FBRSL1: variants seen among roughly 807,000 people sequenced by gnomAD.
The protein encoded by FBRSL1 is fibrosin-1-like protein.
FBRSL1 carries 51 observed loss-of-function variants against 89.6 expected under a neutral mutation model. The ratio of observed to expected loss-of-function variants is 0.57; its 90% CI spans 0.45 to 0.72. The LOEUF (loss-of-function observed/expected upper bound fraction) is 0.72, where lower values mean the gene tolerates loss of function less well. Among genes scored for constraint, FBRSL1 ranks in the 30% least tolerant of loss-of-function variants. The pLI, the probability that FBRSL1 is intolerant of heterozygous loss-of-function variation, is 0.00. For missense variants in FBRSL1, 1,618 were observed against 1,451.8 expected (o/e 1.11, Z -1.86); for synonymous variants, 779 against 681.1 (o/e 1.14, Z -2.24).
At chr12:132,517,561 G>A (rs1351063289) in intron 2 of FBRSL1, among the ~76,000 whole-genome samples, 3 of 152,258 alleles carry the variant, frequency 2.0e-5, no homozygotes, top group African/African-American at 2.4e-5. Flanking sequence ...ACAGCAGAGC[G>A]GGTGGAGACT....
At chr12:132,564,556 T>G (rs556777845) in intron 5 of FBRSL1, among the ~76,000 whole-genome samples, 6 of 119,208 alleles carry the variant, frequency 5.0e-5, no homozygotes, top group Admixed American at 4.8e-4. Context: ...AGTCCAGTGG[T>G]ACGATCTCAG....
intron 2 of FBRSL1, chr12:132,510,609 G>A (rs1216675812): frequency 1.6e-6 from 2 of 1,230,642 alleles, no homozygotes; most frequent in African/African-American, 3.1e-5. Context: ...TTTGTCGTTG[G>A]AAATTGAGGC....
chr12:132,551,899 C>T (rs1044064363), intron 5 of FBRSL1: 1 of 290,350 alleles, frequency 3.4e-6, no homozygotes, highest in Middle Eastern at 1.3e-3. Flanking sequence ...GGTGGCCTCG[C>T]TCCTCCTGCT....
chr12:132,573,008 C>A (rs933467714), intron 11 of FBRSL1, among the ~76,000 whole-genome samples: 3 of 152,168 alleles, frequency 2.0e-5, no homozygotes, highest in Admixed American at 6.5e-5. Context: ...GAGGTTCTTA[C>A]GGGGCCGTCC....
chr12:132,566,882 A>G (rs1340085332), intron 5 of FBRSL1, among the ~76,000 whole-genome samples: 3 of 152,290 alleles, frequency 2.0e-5, no homozygotes, highest in Admixed American at 1.3e-4. Flanking sequence ...CCCCAGGCAC[A>G]TAGCGCGGTG....
chr12:132,514,630 C>T (rs921435361), intron 2 of FBRSL1, among the ~76,000 whole-genome samples: 2 of 152,180 alleles, frequency 1.3e-5, no homozygotes, highest in South Asian at 2.1e-4. Flanking sequence ...GCCACAGTCC[C>T]GGCCATGGTG....
In FBRSL1 at chr12:132,510,871, T is replaced by C. The variant is rs904498613; in HGVS notation, c.489+2521T>C. On this transcript the variant is annotated intron_variant, in intron 2 of 18. Transcript: ENST00000680143. ...GCCTCTGAATTGCCAATACTGTCCT[T>C]GCATCTCTGAGTCTACGTGCACGCT... The C allele has an allele frequency of 4.9e-6, 5 of 1,026,858 alleles. No homozygotes were observed. The African/African-American group carries it at 8.5e-5, about 17-fold the overall frequency. The allele number at this position is 1,026,858 out of a possible 1,614,324, so 63.6% of individuals were successfully genotyped here. A position where few individuals can be genotyped will look rare whatever the true frequency, so the allele number is the denominator to read the frequency against.
chr12:132,509,859 C>G, intron 2 of FBRSL1: 1 of 1,231,940 alleles, frequency 8.1e-7, no homozygotes, highest in Non-Finnish European at 1.0e-6. Flanking sequence ...CACCCTCCGA[C>G]CACGCCGACG....
rs1351563486 is a variant in FBRSL1, at chr12:132,570,984, C to T, written c.1214-84C>T. 17 of 912,770 alleles carry T rather than the reference C, an allele frequency of 1.9e-5. 1 individual carries two copies. The South Asian group carries it at 2.0e-4, about 11-fold the overall frequency. 56.5% of individuals were successfully genotyped at this position (912,770 alleles called of 1,614,324 possible). On this transcript the variant is annotated intron_variant, in intron 8 of 18. Coordinates refer to ENST00000680143, the MANE Select transcript of FBRSL1 (RefSeq NM_001367871.1). ...CCAGGCTGGGGACGGCCCCGTGTCCCGGGATGGGACCAGGATGCTGGCCTG... is the reference window on the plus strand; with the variant it reads ...CCAGGCTGGGGACGGCCCCGTGTCCTGGGATGGGACCAGGATGCTGGCCTG...
chr12:132,519,202 G>A (rs904204098), intron 2 of FBRSL1, among the ~76,000 whole-genome samples: 6 of 152,264 alleles, frequency 3.9e-5, no homozygotes, highest in Non-Finnish European at 8.8e-5. Context: ...CCCACTGGAT[G>A]CTTACAGTCT....
intron 1 of FBRSL1, among the ~76,000 whole-genome samples, chr12:132,504,206 C>T (rs546835037): frequency 6.8e-6 from 1 of 146,594 alleles, no homozygotes; most frequent in African/African-American, 2.5e-5. Flanking sequence ...GGGGGTGGGC[C>T]AGGCCTTGGT....
chr12:132,516,244 G>A (rs1361531338), intron 2 of FBRSL1, among the ~76,000 whole-genome samples: 1 of 150,078 alleles, frequency 6.7e-6, no homozygotes, highest in Non-Finnish European at 1.5e-5. Context: ...AGGCTGGAGT[G>A]CAGTGGCACA....
chr12:132,536,988 G>T (rs2036817441), intron 4 of FBRSL1, among the ~76,000 whole-genome samples: 1 of 152,324 alleles, frequency 6.6e-6, no homozygotes, highest in African/African-American at 2.4e-5. Context: ...GGGCTCTGCA[G>T]GCACTCGGGG....
At position 132,582,231 on chromosome 12, in the gene FBRSL1, C is replaced by T. The variant is rs2040809231; in HGVS notation, c.2166C>T (p.Asp722=). ...GGGTGTCAGCCCTGACCAACCATGA[C>T]CGAGAGCCGGACAATGGCAAGGAGG... ...AERVSALTNH[D]REPDNGKEEQ... The change falls in exon 18 of 19, where the codon GAC becomes GAT. Residue 722 remains aspartate, a synonymous_variant. Transcript: ENST00000680143. The T allele has an allele frequency of 4.5e-6, 7 of 1,550,242 alleles. No homozygotes were observed. The highest frequency in any genetic ancestry group is 5.2e-6 in the Non-Finnish European group (6 of 1,146,862).
In FBRSL1 at chr12:132,500,911, G is replaced by A. The variant is rs531665489; in HGVS notation, c.292-7242G>A. ...AGTTGCTGCTGCTCATACCCCAGCA[G>A]GCCTCTGGCTGTCCTCGGCCAGACC... On this transcript the variant is annotated intron_variant, in intron 1 of 18. Transcript: ENST00000680143. Among the ~76,000 whole-genome samples, 579 of 152,340 alleles carry A rather than the reference G, an allele frequency of 3.8e-3. 5 individuals carry two copies. Among genetic ancestry groups the A allele is most frequent in the South Asian group, 0.019 (94 of 4,832 alleles).
At chr12:132,522,634 C>T (rs1422098290) in intron 2 of FBRSL1, among the ~76,000 whole-genome samples, 2 of 152,200 alleles carry the variant, frequency 1.3e-5, no homozygotes, top group Admixed American at 6.5e-5. Context: ...CCATGCTGGC[C>T]CACAGGGAGC....
At chr12:132,579,924 C>T (rs912002706) in intron 15 of FBRSL1, among the ~76,000 whole-genome samples, 1 of 152,026 alleles carries the variant, frequency 6.6e-6, no homozygotes, top group South Asian at 2.1e-4. Flanking sequence ...TTCAGTAACG[C>T]GAGTGTTTCC....
At chr12:132,571,928 C>G in intron 9 of FBRSL1, 1 of 375,490 alleles carries the variant, frequency 2.7e-6, no homozygotes, top group Non-Finnish European at 4.8e-6. Context: ...CCCCTCCACT[C>G]TCTCGAGTTT....
chr12:132,564,708 G>A lies in FBRSL1; in HGVS notation c.646-2773G>A, dbSNP rs1000039147. Among the ~76,000 whole-genome samples the A allele has an allele frequency of 1.4e-4, 12 of 86,084 alleles. 3 individuals are homozygous for A. Among genetic ancestry groups the A allele is most frequent in the Admixed American group, 2.6e-4 (2 of 7,640 alleles). The allele number at this position is 86,084 out of a possible 152,430, so 56.5% of individuals were successfully genotyped here. ...GACGGGGTTTCACCGTGTTAGCCAGGATGGTCTCGATCTCCTGACCTCGTG... is the reference window on the plus strand; with the variant it reads ...GACGGGGTTTCACCGTGTTAGCCAGAATGGTCTCGATCTCCTGACCTCGTG... On this transcript the variant is annotated intron_variant, in intron 5 of 18. Coordinates refer to ENST00000680143, the MANE Select transcript of FBRSL1 (RefSeq NM_001367871.1).
Sources: allele counts gnomAD v4.1 joint callset (sites outside exome capture counted in the v4.1 genomes callset), GRCh38; gene constraint gnomAD v4.1.1; transcripts MANE v1.5; gene names NCBI Gene and HGNC (gene_info 2026-07-23, HGNC 2026-07-21).